Variants in GNAS observed in about 807,000 individuals in gnomAD.
GNAS encodes protein ALEX.
GNAS carries 8 observed loss-of-function variants against 54.5 expected under a neutral mutation model. The ratio of observed to expected loss-of-function variants is 0.15; its 90% CI spans 0.09 to 0.26. GNAS has a LOEUF of 0.26. Among genes scored for constraint, GNAS ranks in the 10% least tolerant of loss-of-function variants. GNAS has a pLI of 1.00. For synonymous variants in GNAS, 204 were observed against 191.4 expected (o/e 1.07, Z -0.54); for missense variants, 170 against 529.8 (o/e 0.32, Z 6.67).
At chr20:58,902,611 C>T (rs2090721734) in intron 3 of GNAS, among the ~76,000 whole-genome samples, 1 of 151,156 alleles carries the variant, frequency 6.6e-6, no homozygotes, top group South Asian at 2.1e-4. Flanking sequence ...ATAAGGCCTT[C>T]TAGGGGGTGG....
At position 58,852,265 on chromosome 20, in the gene GNAS, G is replaced by T. The variant is rs140687795; in HGVS notation, c.43+11379G>T. Among the ~76,000 whole-genome samples, 1,363 of 152,216 alleles carry T rather than the reference G, an allele frequency of 9.0e-3. 12 individuals carry two copies. Among genetic ancestry groups the T allele is most frequent in the Middle Eastern group, 0.051 (15 of 294 alleles). ...AGACCCCTAGAGTGTGATGGGGGTG[G>T]GGGCTGTTAAAGTGCTTTACCGGAG... On this transcript the variant is annotated intron_variant, in intron 1 of 12. Transcript: ENST00000306090.
upstream of GNAS, among the ~76,000 whole-genome samples, chr20:58,888,077 A>G (rs1338999688): frequency 6.6e-6 from 1 of 152,200 alleles, no homozygotes; most frequent in Non-Finnish European, 1.5e-5. Context: ...GGACTGTTAA[A>G]TGTGTTTCCA....
intron 1 of GNAS, chr20:58,854,006 A>G (rs768065538): frequency 6.2e-6 from 10 of 1,611,890 alleles, no homozygotes; most frequent in Non-Finnish European, 8.5e-6. Context: ...GAGTTATCGC[A>G]CAAGTCGACG....
Position 58,853,998 on chromosome 20 carries a change from G to A in GNAS, c.43+13112G>A. ...CAGCCCACCCCCGGGGCTTTCCCGA[G>A]TTATCGCACAAGTCGACGGCAGCAG... On this transcript the variant is annotated intron_variant, in intron 1 of 12. Coordinates refer to the GNAS transcript ENST00000306090. This position sits in a 1 kb window ranked among gnomAD's most constrained non-coding sequence, Gnocchi z 4.4. 6.2e-6 allele frequency: 10 copies of A among 1,612,070 alleles called. No homozygotes were observed. The highest frequency in any genetic ancestry group is 8.5e-6 in the Non-Finnish European group (10 of 1,179,756).
At chr20:58,840,186 G>A (rs2085663119), upstream of GNAS, 3 of 1,611,214 alleles carry the variant, frequency 1.9e-6, no homozygotes, top group Admixed American at 3.3e-5. The surrounding 1 kb of genome is among the most constrained non-coding windows in gnomAD (Gnocchi z 6.0). Context: ...ATAGGCCGCC[G>A]GGCAGCCACC....
chr20:58,877,544 A>G (rs1322992330), intron 1 of GNAS, among the ~76,000 whole-genome samples: 1 of 152,196 alleles, frequency 6.6e-6, no homozygotes, highest in South Asian at 2.1e-4. Context: ...CTTTAAAGTC[A>G]GGTGCTAAGT....
At chr20:58,889,089 T>G (rs1184828847), upstream of GNAS, 1 of 1,060,426 alleles carries the variant, frequency 9.4e-7, no homozygotes. Context: ...CCCCTTCGGT[T>G]TATAGGGGCC....
chr20:58,855,730 T>C (rs1044701158), intron 1 of GNAS: 5 of 627,132 alleles, frequency 8.0e-6, no homozygotes, highest in East Asian at 2.7e-5. Flanking sequence ...GCTGGGGTCA[T>C]TGGGGAAGGC....
chr20:58,855,545 G>A (rs1300982123), intron 1 of GNAS: 10 of 719,314 alleles, frequency 1.4e-5, no homozygotes, highest in Non-Finnish European at 2.6e-5. Flanking sequence ...CGAAGTATAT[G>A]CCCTCCAGGG....
chr20:58,848,534 T>C (rs2086028506), intron 1 of GNAS, among the ~76,000 whole-genome samples: 1 of 152,240 alleles, frequency 6.6e-6, no homozygotes, highest in Admixed American at 6.5e-5. Context: ...TATACAATTA[T>C]AATGGCAGAT....
intron 1 of GNAS, among the ~76,000 whole-genome samples, chr20:58,852,532 C>CA (rs1199145853): frequency 6.6e-6 from 1 of 151,990 alleles, no homozygotes; most frequent in East Asian, 1.9e-4. Flanking sequence ...GGCTATGACT[C>CA]AGAGTTTCAG....
intron 1 of GNAS, among the ~76,000 whole-genome samples, chr20:58,859,345 C>T (rs771072887): frequency 1.3e-5 from 2 of 152,006 alleles, no homozygotes; most frequent in Non-Finnish European, 1.5e-5. Flanking sequence ...GGATTACAAG[C>T]GTGTGCCACC....
At chr20:58,878,912 T>TGGGGGGGGGGCGGG (rs11086659) in intron 1 of GNAS, among the ~76,000 whole-genome samples, 1 of 95,322 alleles carries the variant, frequency 1.0e-5, no homozygotes, top group South Asian at 4.1e-4. Flanking sequence ...GGGGTGCGGG[T>TGGGGGGGGGGCGGG]GGGGGGGGGA....
At chr20:58,872,117 G>T (rs1042096743) in intron 1 of GNAS, among the ~76,000 whole-genome samples, 2 of 152,166 alleles carry the variant, frequency 1.3e-5, no homozygotes, top group African/African-American at 4.8e-5. Context: ...CAAGACGGGG[G>T]CCACCACCAC....
At chr20:58,864,332 C>T (rs896462327) in intron 1 of GNAS, among the ~76,000 whole-genome samples, 2 of 152,124 alleles carry the variant, frequency 1.3e-5, no homozygotes, top group Non-Finnish European at 2.9e-5. Flanking sequence ...ATCAGCCCCT[C>T]GATTTTTTTG....
At position 58,883,120 on chromosome 20, in the gene GNAS, C is replaced by T. The variant is rs143257289; in HGVS notation, c.44-12492C>T. 466 of 152,242 alleles carry T rather than the reference C, an allele frequency of 3.1e-3. 6 individuals are homozygous for T. The highest frequency in any genetic ancestry group is 0.011 in the African/African-American group (443 of 41,536). 9.4% of individuals were successfully genotyped at this position (152,242 alleles called of 1,614,324 possible). A position where few individuals can be genotyped will look rare whatever the true frequency, so the allele number is the denominator to read the frequency against. On this transcript the variant is annotated intron_variant, in intron 1 of 12. Coordinates refer to the GNAS transcript ENST00000306090. Reference sequence around the variant, plus strand: ...AACACACATTTTTAATCTGTCCTGCCGATAGCTGAGCCCTTCTGTCATTTG... The same window carrying T: ...AACACACATTTTTAATCTGTCCTGCTGATAGCTGAGCCCTTCTGTCATTTG...
chr20:58,890,282 C>G (rs1317341449), upstream of GNAS, among the ~76,000 whole-genome samples: 1 of 151,040 alleles, frequency 6.6e-6, no homozygotes, highest in Non-Finnish European at 1.5e-5. Flanking sequence ...CCGCCGACGA[C>G]GACGAGGGCG....
intron 1 of GNAS, chr20:58,850,758 C>T (rs1261867047): frequency 2.3e-5 from 9 of 398,720 alleles, no homozygotes; most frequent in Middle Eastern, 6.2e-4. Flanking sequence ...CCCCGAGGCT[C>T]GGCAACCTGT....
chr20:58,851,605 G>A (rs546518352), intron 1 of GNAS, among the ~76,000 whole-genome samples: 89 of 152,332 alleles, frequency 5.8e-4, no homozygotes, highest in Non-Finnish European at 1.1e-3. Flanking sequence ...CCAGACCAGA[G>A]CATAGCATGT....
Sources: gnomAD v4.1 joint callset for allele counts (sites outside exome capture counted in the v4.1 genomes callset) on GRCh38, gnomAD v4.1.1 for gene constraint, Gnocchi (gnomAD v3.1) non-coding constraint, MANE v1.5 for transcripts, NCBI Gene and HGNC (gene_info 2026-07-23, HGNC 2026-07-21) for gene names.